Variants in BICD1 observed in about 807,000 individuals in gnomAD.
BICD1 encodes protein bicaudal D homolog 1.
A neutral mutation model predicts 92.5 loss-of-function variants in BICD1; 35 were observed. The ratio of observed to expected loss-of-function variants is 0.38; its 90% CI spans 0.29 to 0.50. BICD1 has a LOEUF of 0.50. Ranked by LOEUF, BICD1 falls within the 20% of genes least tolerant of loss-of-function variation. The pLI is 0.93. For synonymous variants in BICD1, 429 were observed against 465.1 expected (o/e 0.92, Z 1.00); for missense variants, 950 against 1,189.8 (o/e 0.80, Z 2.97).
intron 2 of BICD1, among the ~76,000 whole-genome samples, chr12:32,217,250 C>G (rs1387134112): frequency 6.6e-6 from 1 of 152,168 alleles, no homozygotes; most frequent in Non-Finnish European, 1.5e-5. Context: ...TCCTCTAACT[C>G]CTACACCAAT....
At chr12:32,114,510 A>G (rs1941817950) in intron 1 of BICD1, among the ~76,000 whole-genome samples, 1 of 151,938 alleles carries the variant, frequency 6.6e-6, no homozygotes, top group Non-Finnish European at 1.5e-5. Context: ...GCCCCCAAGT[A>G]GCTGGGACTA....
intron 9 of BICD1, chr12:32,367,962 T>C: frequency 1.9e-6 from 1 of 525,344 alleles, no homozygotes; most frequent in East Asian, 3.0e-5. Flanking sequence ...TGCCAGCTGG[T>C]AGACTCTACA....
chr12:32,366,787 CT>C (rs1939540157), intron 8 of BICD1, among the ~76,000 whole-genome samples: 1 of 152,160 alleles, frequency 6.6e-6, no homozygotes, highest in Non-Finnish European at 1.5e-5. Context: ...TTGCAAAAAT[CT>C]TTTTGGAGAA....
In BICD1 at chr12:32,313,210, G is replaced by T. The variant is rs1948423312; in HGVS notation, c.1005+7088G>T. ...AAAACTAAAATTAATATATTCTGTTGCATCCTCATGGATGTGGAAGAAATA... is the reference window on the plus strand; with the variant it reads ...AAAACTAAAATTAATATATTCTGTTTCATCCTCATGGATGTGGAAGAAATA... On this transcript the variant is annotated intron_variant, in intron 4 of 9. Coordinates refer to ENST00000652176, the MANE Select transcript of BICD1 (RefSeq NM_001714.4). This position sits in a 1 kb window ranked among gnomAD's most constrained non-coding sequence, Gnocchi z 4.2. Among the ~76,000 whole-genome samples, 1 of 151,920 alleles carries T rather than the reference G, an allele frequency of 6.6e-6. No individual in the cohort carries two copies. The highest frequency in any genetic ancestry group is 1.5e-5 in the Non-Finnish European group (1 of 67,978).
intron 4 of BICD1, among the ~76,000 whole-genome samples, chr12:32,317,926 T>A (rs1168816398): frequency 4.0e-5 from 6 of 151,496 alleles, no homozygotes; most frequent in Admixed American, 1.3e-4. Context: ...AGCTTTCTAC[T>A]TATGGCTAGC....
At chr12:32,364,051 A>G (rs1402556025) in intron 8 of BICD1, among the ~76,000 whole-genome samples, 2 of 152,140 alleles carry the variant, frequency 1.3e-5, no homozygotes, top group Non-Finnish European at 2.9e-5. Flanking sequence ...ATCACACTTC[A>G]ATGTAGTTGC....
At chr12:32,369,543 C>T (rs1939651991) in intron 9 of BICD1, among the ~76,000 whole-genome samples, 1 of 152,240 alleles carries the variant, frequency 6.6e-6, no homozygotes, top group Non-Finnish European at 1.5e-5. Flanking sequence ...GTCACATGGT[C>T]TCAGAGGCGG....
At chr12:32,165,632 C>G (rs1943737568) in intron 1 of BICD1, among the ~76,000 whole-genome samples, 1 of 149,574 alleles carries the variant, frequency 6.7e-6, no homozygotes, top group Non-Finnish European at 1.5e-5. Context: ...TTGCAGTGAG[C>G]TGAGATGCGC....
rs1311913525 is a variant in BICD1 at position 32,149,722 on chromosome 12, A to G, written c.213+42178A>G. On this transcript the variant is annotated intron_variant, in intron 1 of 9. Coordinates refer to ENST00000652176, the MANE Select transcript of BICD1 (RefSeq NM_001714.4). ...TTCTGGAGACTGGGAAGTCCAAATC[A>G]AGGCATCAGCAGATTCAGTGTCTGG... Among the ~76,000 whole-genome samples, 5 of 152,310 alleles carry G rather than the reference A, an allele frequency of 3.3e-5. No individual in the cohort carries two copies. The East Asian group carries it at 9.6e-4, about 29-fold the overall frequency.
At chr12:32,206,488 C>A (rs1393604963) in intron 1 of BICD1, among the ~76,000 whole-genome samples, 1 of 152,088 alleles carries the variant, frequency 6.6e-6, no homozygotes, top group Non-Finnish European at 1.5e-5. Flanking sequence ...TGCCTGTAAT[C>A]CCAGCTACTC....
intron 2 of BICD1, among the ~76,000 whole-genome samples, chr12:32,293,618 C>T (rs1947781625): frequency 6.6e-6 from 1 of 152,148 alleles, no homozygotes. Flanking sequence ...GTGTGAGCCA[C>T]AGCGCCCGGC....
chr12:32,281,025 A>AC (rs1255378991), intron 2 of BICD1, among the ~76,000 whole-genome samples: 1 of 152,138 alleles, frequency 6.6e-6, no homozygotes, highest in Non-Finnish European at 1.5e-5. Flanking sequence ...AGAAGAAAAA[A>AC]CAAGTATGTA....
chr12:32,354,697 G>A (rs1357434838), intron 8 of BICD1, among the ~76,000 whole-genome samples: 1 of 152,146 alleles, frequency 6.6e-6, no homozygotes, highest in East Asian at 1.9e-4. Flanking sequence ...AACTCTATGT[G>A]TTTGATTATA....
chr12:32,339,429 A>G (rs1404515758), intron 8 of BICD1: 1 of 986,340 alleles, frequency 1.0e-6, no homozygotes, highest in African/African-American at 1.7e-5. Flanking sequence ...CGTCTCCTCA[A>G]TCATTATATT....
At chr12:32,334,379 C>A in intron 5 of BICD1, 137 bp from the exon 6 acceptor site, 1 of 912,970 alleles carries the variant, frequency 1.1e-6, no homozygotes, top group East Asian at 2.9e-5. Context: ...AAAGCGCATA[C>A]CTATGTTTAT....
At chr12:32,206,156 G>T (rs867998794) in intron 1 of BICD1, among the ~76,000 whole-genome samples, 2 of 152,184 alleles carry the variant, frequency 1.3e-5, no homozygotes, top group African/African-American at 4.8e-5. Context: ...GAACATTTGT[G>T]TGTAAATCTT....
At chr12:32,164,970 C>T (rs1326889945) in intron 1 of BICD1, among the ~76,000 whole-genome samples, 1 of 152,162 alleles carries the variant, frequency 6.6e-6, no homozygotes, top group Non-Finnish European at 1.5e-5. Context: ...ATGCCCGTGC[C>T]TGACACTGCC....
chr12:32,366,928 A>G (rs897594041), intron 8 of BICD1, among the ~76,000 whole-genome samples: 9 of 152,168 alleles, frequency 5.9e-5, no homozygotes, highest in African/African-American at 2.2e-4. Flanking sequence ...TAGATGATTA[A>G]CCCAGCTAAA....
At position 32,107,562 on chromosome 12, in the gene BICD1, T is replaced by C; in HGVS notation, c.213+18T>C. The stretch of plus-strand genomic sequence containing the variant: ...TCAAAGAGGTGAGTTGCCTGTCACC[T>C]CTCCCTTTCCTGGCCCTCACTCCCC... On this transcript the variant is annotated intron_variant, in intron 1 of 9. Coordinates refer to ENST00000652176, the MANE Select transcript of BICD1 (RefSeq NM_001714.4). The C allele has an allele frequency of 6.4e-7, 1 of 1,561,394 alleles. No individual in the cohort carries two copies. Among genetic ancestry groups the C allele is most frequent in the Non-Finnish European group, 8.7e-7 (1 of 1,153,682 alleles).
Sources: gnomAD v4.1 joint callset for allele counts (sites outside exome capture counted in the v4.1 genomes callset) on GRCh38, gnomAD v4.1.1 for gene constraint, Gnocchi (gnomAD v3.1) non-coding constraint, MANE v1.5 for transcripts, NCBI Gene and HGNC (gene_info 2026-07-23, HGNC 2026-07-21) for gene names.